Variants in DEAF1 observed in about 807,000 individuals in gnomAD.
DEAF1 encodes the protein deformed epidermal autoregulatory factor 1 homolog.
A neutral mutation model predicts 58.9 loss-of-function variants in DEAF1; 53 were observed. The ratio of observed to expected loss-of-function variants is 0.90; its 90% confidence interval spans 0.72 to 1.13. The LOEUF (loss-of-function observed/expected upper bound fraction) is 1.13. Ranked by LOEUF, DEAF1 falls within the 50% of genes most tolerant of loss-of-function variation. The pLI is 0.00. For synonymous variants in DEAF1, 385 were observed against 340.4 expected (o/e 1.13, Z -1.44); for missense variants, 685 against 791.4 (o/e 0.87, Z 1.61).
At position 651,742 on chromosome 11, in the gene DEAF1, C is replaced by T. The variant is rs545057912; in HGVS notation, c.1593+2220G>A. Among the ~76,000 whole-genome samples the T allele has an allele frequency of 2.0e-4, 31 of 152,188 alleles. No homozygotes were observed. In the South Asian group the frequency reaches 6.2e-3, roughly 31 times the overall value. ...TCTACTAAAAATACAAAAAATCAGCCGGGCGTGGTGGCGGGTGCCTGTGGT... is the reference window on the plus strand; with the variant it reads ...TCTACTAAAAATACAAAAAATCAGCTGGGCGTGGTGGCGGGTGCCTGTGGT... On this transcript the variant is annotated intron_variant, in intron 11 of 11. Coordinates refer to ENST00000382409, the MANE Select transcript of DEAF1 (RefSeq NM_021008.4).
chr11:686,635 A>G (rs1323567508), intron 5 of DEAF1, among the ~76,000 whole-genome samples: 2 of 152,194 alleles, frequency 1.3e-5, no homozygotes. Flanking sequence ...ACTTCTCCCA[A>G]CAATCCTCAC....
exon 1 of DEAF1, among the ~76,000 whole-genome samples, chr11:706,977 C>G (rs1215539868): frequency 1.3e-5 from 2 of 152,160 alleles, no homozygotes; most frequent in Middle Eastern, 3.4e-3. Context: ...CTGGCGTTGC[C>G]CCTTGCTGCG....
intron 1 of DEAF1, among the ~76,000 whole-genome samples, chr11:692,956 C>T (rs1295758911): frequency 2.0e-5 from 3 of 152,198 alleles, no homozygotes; most frequent in Non-Finnish European, 2.9e-5. Context: ...CCCCGGCATG[C>T]GGCGCGCGGC....
chr11:691,194 G>A (rs10902193), intron 2 of DEAF1, among the ~76,000 whole-genome samples: 43,250 of 152,226 alleles, frequency 0.28, 6,401 homozygotes, highest in Non-Finnish European at 0.32. Context: ...GCCGGGCCTC[G>A]GGCAGAGGCT....
intron 8 of DEAF1, among the ~76,000 whole-genome samples, chr11:679,027 A>C (rs1234256121): frequency 6.6e-6 from 1 of 152,164 alleles, no homozygotes; most frequent in Non-Finnish European, 1.5e-5. Context: ...GATTATAAAA[A>C]TCAGGCCGGG....
At chr11:653,841 G>A in intron 11 of DEAF1, 121 bp downstream of exon 11, 3 of 863,234 alleles carry the variant, frequency 3.5e-6, no homozygotes, top group Non-Finnish European at 3.9e-6. Flanking sequence ...ATTCCCAGAG[G>A]GAGGGACAGG....
rs967974359 is a variant in DEAF1 at position 644,511 on chromosome 11, G to A, written c.*39C>T. The stretch of plus-strand genomic sequence containing the variant: ...TTCGACCTGCAAAAGCCTCACAGGA[G>A]TGCGAGGGGCCCCAGCTCCCAGGGC... On this transcript the variant is annotated 3_prime_UTR_variant, in exon 12 of 12. Coordinates refer to ENST00000382409, the MANE Select transcript of DEAF1 (RefSeq NM_021008.4). The surrounding 1 kb of genome is among the most constrained non-coding windows in gnomAD (Gnocchi z 4.3). The A allele has an allele frequency of 6.5e-7, 1 of 1,543,734 alleles. No homozygotes were observed.
intron 11 of DEAF1, 80 bp downstream of exon 11, chr11:653,881 CA>C: frequency 7.9e-7 from 1 of 1,261,630 alleles, no homozygotes; most frequent in Non-Finnish European, 1.2e-6. Flanking sequence ...ACCAGGAGCA[CA>C]AGGGGAGGGA....
chr11:696,075 C>T (rs1861139142), upstream of DEAF1, among the ~76,000 whole-genome samples: 1 of 152,030 alleles, frequency 6.6e-6, no homozygotes, highest in Non-Finnish European at 1.5e-5. Flanking sequence ...TGGCCCCGGG[C>T]AGGGTGGGTG....
At chr11:679,927 G>T in intron 7 of DEAF1, 111 bp from the exon 8 acceptor site, 1 of 1,470,652 alleles carries the variant, frequency 6.8e-7, no homozygotes, top group Non-Finnish European at 9.3e-7. Context: ...TGAAGGGCGG[G>T]CAGTGGTAAC....
At position 703,100 on chromosome 11, in the gene DEAF1, G is replaced by A. The variant is rs199877297; in HGVS notation, c.-438+3472C>T. 1.4e-5 allele frequency: 22 copies of A among 1,611,000 alleles called. No individual in the cohort carries two copies. Among genetic ancestry groups the A allele is most frequent in the South Asian group, 2.2e-5 (2 of 90,846 alleles). On this transcript the variant is annotated intron_variant, in intron 1 of 11. Coordinates refer to the DEAF1 transcript ENST00000683307. The stretch of plus-strand genomic sequence containing the variant: ...CAGCGCCACGCTCCTGGCCCTTCAC[G>A]GCCTGGAGGCCGTCCTGCAGGTGGT...
At position 670,771 on chromosome 11, in the gene DEAF1, G is replaced by GTTTTTTTTTT. The variant is rs199899292; in HGVS notation, c.1503+3764_1503+3765insAAAAAAAAAA. 2.9e-4 allele frequency among the ~76,000 whole-genome samples: 13 copies of GTTTTTTTTTT among 45,290 alleles called. 1 individual carries two copies. Among genetic ancestry groups the GTTTTTTTTTT allele is most frequent in the African/African-American group, 9.8e-4 (13 of 13,284 alleles). 29.7% of individuals were successfully genotyped at this position (45,290 alleles called of 152,430 possible). A position where few individuals can be genotyped will look rare whatever the true frequency, so the allele number is the denominator to read the frequency against. On this transcript the variant is annotated intron_variant, in intron 10 of 11. Coordinates refer to ENST00000382409, the MANE Select transcript of DEAF1 (RefSeq NM_021008.4). ...CCTTTTTAATTTCTTTTTTCTTTTT[G>GTTTTTTTTTT]TTTTTGTTTTTTTTTTTTTTTTTTG...
chr11:694,571 G>C (rs1861013427), intron 1 of DEAF1, 188 bp downstream of exon 1: 3 of 433,724 alleles, frequency 6.9e-6, no homozygotes, highest in African/African-American at 2.2e-5. Flanking sequence ...AGGGCGGGTG[G>C]GGCGGGCGGG....
At chr11:655,885 T>C (rs1230817501) in intron 10 of DEAF1, among the ~76,000 whole-genome samples, 1 of 151,932 alleles carries the variant, frequency 6.6e-6, no homozygotes, top group Admixed American at 6.6e-5. Context: ...CAGGCTGGAG[T>C]GTAGTGGCGC....
chr11:678,477 A>G, intron 9 of DEAF1: 1 of 606,340 alleles, frequency 1.6e-6, no homozygotes, highest in Non-Finnish European at 2.8e-6. Context: ...ACCAAAAGCA[A>G]CTTCCACAGC....
chr11:666,775 A>C (rs1859546314), intron 10 of DEAF1, among the ~76,000 whole-genome samples: 1 of 144,894 alleles, frequency 6.9e-6, no homozygotes, highest in Admixed American at 7.1e-5. Context: ...TCTACTTGGA[A>C]GGCTGAGGCA....
At chr11:667,838 G>A (rs746422205) in intron 10 of DEAF1, among the ~76,000 whole-genome samples, 6 of 148,798 alleles carry the variant, frequency 4.0e-5, no homozygotes, top group East Asian at 2.0e-4. Flanking sequence ...ATAGGCCGGC[G>A]TGTTAGCTCA....
chr11:669,734 A>T lies in DEAF1; in HGVS notation c.1503+4802T>A, dbSNP rs750584951. ...CACCTGAGGTCAGGAGTTCAAGACC[A>T]GCCTGACAAACATGGTGAAACCTCG... On this transcript the variant is annotated intron_variant, in intron 10 of 11. Transcript: ENST00000382409. Among the ~76,000 whole-genome samples the T allele has an allele frequency of 6.6e-5, 10 of 152,080 alleles. No individual in the cohort carries two copies. The South Asian group carries it at 1.9e-3, about 28-fold the overall frequency.
At chr11:685,562 G>A (rs1027355249) in intron 5 of DEAF1, among the ~76,000 whole-genome samples, 2 of 152,098 alleles carry the variant, frequency 1.3e-5, no homozygotes, top group African/African-American at 2.4e-5. Context: ...GGGCATGGTG[G>A]CGCATGCCCA....
Sources: gnomAD v4.1 joint callset for allele counts (sites outside exome capture counted in the v4.1 genomes callset) on GRCh38, gnomAD v4.1.1 for gene constraint, Gnocchi (gnomAD v3.1) non-coding constraint, MANE v1.5 for transcripts, NCBI Gene and HGNC (gene_info 2026-07-23, HGNC 2026-07-21) for gene names.